The following WWC1 variants were observed in gnomAD, a reference collection of about 807,000 sequenced individuals.
The protein encoded by WWC1 is WW and C2 domain containing 1.
Under a neutral mutation model 138.4 loss-of-function variants are expected in WWC1, and 55 were observed. The observed-to-expected ratio is 0.40, with a 90% confidence interval of 0.32 to 0.50. WWC1 has a LOEUF of 0.50. WWC1 is among the 20% of genes least tolerant of loss of function. The pLI, the probability that WWC1 is intolerant of heterozygous loss-of-function variation, is 0.72. For synonymous variants in WWC1, 524 were observed against 564.9 expected, an observed-to-expected ratio of 0.93 and a Z score of 1.03; for missense variants, 1,226 against 1,420.4, an observed-to-expected ratio of 0.86 and a Z score of 2.20.
chr5:168,348,307 A>G (rs747990122), intron 1 of WWC1, among the ~76,000 whole-genome samples: 1 of 152,172 alleles, frequency 6.6e-6, no homozygotes, highest in Non-Finnish European at 1.5e-5. Context: ...GGGAGACCCA[A>G]GCCCTCACCC....
chr5:168,437,806 TC>T (rs539414763), intron 15 of WWC1, among the ~76,000 whole-genome samples: 1 of 152,132 alleles, frequency 6.6e-6, no homozygotes, highest in African/African-American at 2.4e-5. Flanking sequence ...CCTGGTCTTT[TC>T]CCCTCATACC....
rs575785774 is a variant in WWC1 at position 168,441,649 on chromosome 5, C to T, written c.2281-33C>T. The stretch of plus-strand genomic sequence containing the variant: ...TGACACCTGGTGTCCCCCCCACCGC[C>T]ACTTATGTTCTCCTTGTTTCCATCC... On this transcript the variant is annotated intron_variant, in intron 15 of 22. Coordinates refer to ENST00000265293, the MANE Select transcript of WWC1 (RefSeq NM_015238.3). 8 of 1,604,006 alleles carry T rather than the reference C, an allele frequency of 5.0e-6. No homozygotes were observed. In the Admixed American group the frequency reaches 8.4e-5, roughly 17 times the overall value.
At chr5:168,411,780 C>G in intron 8 of WWC1, 1 of 170,688 alleles carries the variant, frequency 5.9e-6, no homozygotes, top group Non-Finnish European at 1.2e-5. Context: ...GTGAACCAAG[C>G]TTTGTTACAG....
intron 15 of WWC1, among the ~76,000 whole-genome samples, chr5:168,437,856 A>G (rs770153387): frequency 1.3e-5 from 2 of 152,118 alleles, no homozygotes; most frequent in African/African-American, 2.4e-5. Context: ...GTAATATCCA[A>G]ATAGCTGTCT....
At position 168,397,702 on chromosome 5, in the gene WWC1, T is replaced by G. The variant is rs571924759; in HGVS notation, c.434-22T>G. ...AATCTGTTTCTTCTACTGATATTCTTGTTTTTCTTTTTTCCTTACAGTGGT... is the reference window on the plus strand; with the variant it reads ...AATCTGTTTCTTCTACTGATATTCTGGTTTTTCTTTTTTCCTTACAGTGGT... On this transcript the variant is annotated intron_variant, in intron 3 of 22. Transcript: ENST00000265293. 128 of 1,613,564 alleles carry G rather than the reference T, an allele frequency of 7.9e-5. 1 individual carries two copies. In the South Asian group the frequency reaches 1.3e-3, roughly 17 times the overall value.
At chr5:168,294,976 C>G (rs571575573) in intron 1 of WWC1, among the ~76,000 whole-genome samples, 2 of 152,134 alleles carry the variant, frequency 1.3e-5, no homozygotes, top group Non-Finnish European at 2.9e-5. Flanking sequence ...GTCATCCCAC[C>G]TGGACTGGGG....
intron 1 of WWC1, among the ~76,000 whole-genome samples, chr5:168,364,703 T>C (rs1247807125): frequency 6.6e-6 from 1 of 151,768 alleles, no homozygotes; most frequent in Admixed American, 6.6e-5. Flanking sequence ...AGGCAGAGAG[T>C]GTCTCTGGGT....
At position 168,296,115 on chromosome 5, in the gene WWC1, G is replaced by A. The variant is rs1297700304; in HGVS notation, c.119+3844G>A. Among the ~76,000 whole-genome samples, 6 of 152,176 alleles carry A rather than the reference G, an allele frequency of 3.9e-5. No homozygotes were observed. The South Asian group carries it at 8.3e-4, about 21-fold the overall frequency. Reference sequence around the variant, plus strand: ...GCCAGCGTCCTGTGTATTTCACTTCGTGGTATGCAAAACAAATGCACCGAT... The same window carrying A: ...GCCAGCGTCCTGTGTATTTCACTTCATGGTATGCAAAACAAATGCACCGAT... On this transcript the variant is annotated intron_variant, in intron 1 of 22. Transcript: ENST00000265293.
chr5:168,313,864 C>T (rs1004123372), intron 1 of WWC1, among the ~76,000 whole-genome samples: 1 of 152,208 alleles, frequency 6.6e-6, no homozygotes, highest in East Asian at 1.9e-4. Flanking sequence ...AGGAGCTTCG[C>T]AGCTTATTCC....
At chr5:168,397,910 C>A in intron 4 of WWC1, 110 bp downstream of exon 4, 1 of 1,157,784 alleles carries the variant, frequency 8.6e-7, no homozygotes, top group South Asian at 1.2e-5. Context: ...CTATGACAGC[C>A]AGTGCTAGCA....
intron 1 of WWC1, among the ~76,000 whole-genome samples, chr5:168,314,586 G>T (rs1771408421): frequency 1.3e-5 from 2 of 152,098 alleles, no homozygotes; most frequent in African/African-American, 4.8e-5. Context: ...AAAAAAAAAG[G>T]AAAGAAATAT....
At chr5:168,417,270 A>G (rs1780732675) in intron 9 of WWC1, among the ~76,000 whole-genome samples, 1 of 152,216 alleles carries the variant, frequency 6.6e-6, no homozygotes, top group Non-Finnish European at 1.5e-5. Flanking sequence ...GATTTACTGT[A>G]ATTACATTAA....
At chr5:168,381,481 C>A (rs751313914) in intron 2 of WWC1, among the ~76,000 whole-genome samples, 5 of 152,260 alleles carry the variant, frequency 3.3e-5, no homozygotes, top group Middle Eastern at 3.4e-3. Context: ...TCTTAAACAC[C>A]GGTTCTCACC....
intron 1 of WWC1, among the ~76,000 whole-genome samples, chr5:168,347,530 G>A (rs1281500900): frequency 3.3e-5 from 5 of 152,224 alleles, no homozygotes; most frequent in African/African-American, 1.2e-4. Context: ...CTGTTAAGAA[G>A]TGTTTGTGGG....
intron 3 of WWC1, among the ~76,000 whole-genome samples, chr5:168,392,515 C>T (rs1778581387): frequency 6.6e-6 from 1 of 152,046 alleles, no homozygotes; most frequent in African/African-American, 2.4e-5. Context: ...AGTAAGACCC[C>T]AACTCTACAA....
intron 1 of WWC1, among the ~76,000 whole-genome samples, chr5:168,359,096 C>T (rs1775689067): frequency 6.6e-6 from 1 of 151,594 alleles, no homozygotes; most frequent in Non-Finnish European, 1.5e-5. Flanking sequence ...CACTCTGTCA[C>T]CCAGGCTGGA....
intron 1 of WWC1, among the ~76,000 whole-genome samples, chr5:168,363,671 T>TA (rs1315102668): frequency 1.3e-5 from 2 of 151,962 alleles, no homozygotes. Flanking sequence ...AATCGGGGTA[T>TA]AAAACCTAAC....
At chr5:168,400,724 G>A (rs1029972848) in intron 5 of WWC1, among the ~76,000 whole-genome samples, 4 of 152,102 alleles carry the variant, frequency 2.6e-5, no homozygotes, top group Non-Finnish European at 5.9e-5. Flanking sequence ...CAAGGTGAGA[G>A]GATTGCTTGA....
chr5:168,448,305 T>C (rs1214765043), intron 17 of WWC1, among the ~76,000 whole-genome samples: 1 of 152,196 alleles, frequency 6.6e-6, no homozygotes, highest in Non-Finnish European at 1.5e-5. Context: ...CAATTTACAG[T>C]CCTTCCTCGG....
Sources: gnomAD v4.1 joint callset for allele counts (sites outside exome capture counted in the v4.1 genomes callset) on GRCh38, gnomAD v4.1.1 for gene constraint, MANE v1.5 for transcripts, NCBI Gene and HGNC (gene_info 2026-07-23, HGNC 2026-07-21) for gene names.